The following MAP3K1 variants were observed in gnomAD, a reference collection of about 807,000 sequenced individuals.
MAP3K1 encodes mitogen-activated protein kinase kinase kinase 1, also known as MAP/ERK kinase kinase 1.
In MAP3K1, 36 loss-of-function variants were observed where a neutral mutation model predicts 144.2. That is an observed-to-expected ratio of 0.25 (90% CI 0.19 to 0.33). The LOEUF (loss-of-function observed/expected upper bound fraction) is 0.33. Among genes scored for constraint, MAP3K1 ranks in the 10% least tolerant of loss-of-function variants. The pLI, the probability that MAP3K1 is intolerant of heterozygous loss-of-function variation, is 1.00. For missense variants in MAP3K1, 1,650 were observed against 1,881.9 expected, an observed-to-expected ratio of 0.88 and a Z score of 2.28; for synonymous variants, 718 against 688.7, an observed-to-expected ratio of 1.04 and a Z score of -0.67.
At chr5:56,883,769 G>C in intron 15 of MAP3K1, 90 bp downstream of exon 15, 3 of 1,311,602 alleles carry the variant, frequency 2.3e-6, no homozygotes, top group Non-Finnish European at 3.3e-6. Flanking sequence ...GTCCACGTGT[G>C]TGTACTTTAG....
chr5:56,816,036 C>T lies in MAP3K1; in HGVS notation c.463C>T (p.Pro155Ser). 1 of 1,218,898 alleles carries T rather than the reference C, an allele frequency of 8.2e-7. No individual in the cohort carries two copies. Among genetic ancestry groups the T allele is most frequent in the Non-Finnish European group, 1.0e-6 (1 of 981,096 alleles). The allele number at this position is 1,218,898 out of a possible 1,614,324, so 75.5% of individuals were successfully genotyped here. A position where few individuals can be genotyped will look rare whatever the true frequency, so the allele number is the denominator to read the frequency against. Residue 155 changes from proline (P) to serine (S), a missense_variant, in exon 1 of 20, where the codon CCT (proline) becomes TCT (serine). Coordinates refer to ENST00000399503, the MANE Select transcript of MAP3K1 (RefSeq NM_005921.2). ...EKRAPAAEPS[P>S]AAAPAGREME... ...GCGGGCGCCCGCCGCCGAGCCGTCT[C>T]CTGCAGCGGCCCCCGCCGGGTGAGC...
At chr5:56,840,339 G>C (rs1246902568) in intron 1 of MAP3K1, among the ~76,000 whole-genome samples, 1 of 152,032 alleles carries the variant, frequency 6.6e-6, no homozygotes, top group Admixed American at 6.6e-5. Flanking sequence ...GTAGAGGCAG[G>C]GTTTCACCAT....
chr5:56,860,350 A>G (rs558296578), intron 3 of MAP3K1, among the ~76,000 whole-genome samples: 1 of 152,340 alleles, frequency 6.6e-6, no homozygotes, highest in East Asian at 1.9e-4. Context: ...GTGTGATGAA[A>G]TGGGATGCAT....
At chr5:56,864,425 TG>T (rs1187672612) in intron 3 of MAP3K1, among the ~76,000 whole-genome samples, 1 of 150,478 alleles carries the variant, frequency 6.6e-6, no homozygotes, top group Non-Finnish European at 1.5e-5. Context: ...TTGCCCAGGC[TG>T]GAGTGCAGTG....
At chr5:56,855,981 ATTGT>A (rs1257189591) in intron 1 of MAP3K1, among the ~76,000 whole-genome samples, 1 of 152,106 alleles carries the variant, frequency 6.6e-6, no homozygotes, top group Non-Finnish European at 1.5e-5. Context: ...TAGTTTAGAG[ATTGT>A]TTTATTCTGG....
rs780846580 is a variant in MAP3K1, at chr5:56,880,716, C to G, written c.2093C>G (p.Thr698Arg). 3 of 1,612,932 alleles carry G rather than the reference C, an allele frequency of 1.9e-6. No individual in the cohort carries two copies. Among genetic ancestry groups the G allele is most frequent in the East Asian group, 2.2e-5 (1 of 44,846 alleles). Reference protein sequence around the residue: ...LVKCADANSRTSQLSISTLLE... With the variant: ...LVKCADANSRRSQLSISTLLE... ...TGCTTTTCCTTTGTTTTTAGCCGCA[C>G]AAGTCAGCTGTCCATATCAACACTG... The change falls in exon 12 of 20, where the codon ACA becomes AGA. Residue 698 changes from threonine to arginine, a missense_variant. Physicochemically the swap from Thr to Arg is moderately conservative, Grantham distance 71 (BLOSUM62 -1). This residue lies in a region of MAP3K1 where 841 missense variants were observed against 886.5 expected (regional missense o/e 0.95). Transcript: ENST00000399503.
intron 7 of MAP3K1, among the ~76,000 whole-genome samples, 187 bp downstream of exon 7, chr5:56,872,218 G>A (rs1354430041): frequency 6.6e-6 from 1 of 152,200 alleles, no homozygotes; most frequent in Non-Finnish European, 1.5e-5. Context: ...GAGATGACCT[G>A]TGTGAGCAAA....
intron 1 of MAP3K1, among the ~76,000 whole-genome samples, chr5:56,850,253 C>T (rs965037579): frequency 6.6e-6 from 1 of 152,182 alleles, no homozygotes; most frequent in African/African-American, 2.4e-5. Flanking sequence ...GAAGGCTTCA[C>T]AGGTGGACCT....
chr5:56,887,683 G>A (rs1342619072), intron 18 of MAP3K1, 163 bp downstream of exon 18: 3 of 762,324 alleles, frequency 3.9e-6, no homozygotes, highest in Non-Finnish European at 6.7e-6. Flanking sequence ...CCTTATTCTC[G>A]ACCTTTCTTT....
chr5:56,835,059 C>A (rs1221421311), intron 1 of MAP3K1, among the ~76,000 whole-genome samples: 1 of 152,152 alleles, frequency 6.6e-6, no homozygotes. Context: ...CTCCGTTGAA[C>A]CTTGGATGGC....
intron 10 of MAP3K1, among the ~76,000 whole-genome samples, chr5:56,876,652 C>T (rs1428963395): frequency 1.3e-5 from 2 of 152,176 alleles, no homozygotes; most frequent in African/African-American, 4.8e-5. Flanking sequence ...CTGGTTCTCC[C>T]TTTTACTAGC....
intron 3 of MAP3K1, among the ~76,000 whole-genome samples, chr5:56,862,388 A>G (rs1747543245): frequency 6.6e-6 from 1 of 152,174 alleles, no homozygotes; most frequent in African/African-American, 2.4e-5. Flanking sequence ...AGGGAACTAC[A>G]CAAGAATGTA....
intron 1 of MAP3K1, among the ~76,000 whole-genome samples, chr5:56,825,961 G>C (rs252916): frequency 0.75 from 113,678 of 151,712 alleles, 43,143 homozygotes; most frequent in Non-Finnish European, 0.82. Context: ...TCAACTGACC[G>C]TTCTTCTTTT....
chr5:56,816,984 G>C (rs1259963918), intron 1 of MAP3K1: 5 of 756,168 alleles, frequency 6.6e-6, no homozygotes, highest in African/African-American at 3.8e-5. Flanking sequence ...TTGGCCCGGG[G>C]ACTGCGGCGC....
At chr5:56,820,416 G>T in intron 1 of MAP3K1, 1 of 984,282 alleles carries the variant, frequency 1.0e-6, no homozygotes, top group South Asian at 4.7e-5. Context: ...TGTTTTGCAG[G>T]CATTCTAATA....
chr5:56,839,316 G>A (rs1746743061), intron 1 of MAP3K1, among the ~76,000 whole-genome samples: 2 of 152,168 alleles, frequency 1.3e-5, no homozygotes, highest in African/African-American at 4.8e-5. Context: ...CTAGGCATCA[G>A]CCATCTCCAG....
intron 1 of MAP3K1, among the ~76,000 whole-genome samples, chr5:56,834,576 G>T (rs960075193): frequency 5.3e-5 from 8 of 152,170 alleles, no homozygotes; most frequent in African/African-American, 1.7e-4. Context: ...GGGCATGGTG[G>T]CAGGTGCCTG....
chr5:56,838,526 T>A (rs1746720835), intron 1 of MAP3K1, among the ~76,000 whole-genome samples: 1 of 152,214 alleles, frequency 6.6e-6, no homozygotes, highest in South Asian at 2.1e-4. Context: ...TCAGACTATA[T>A]TTAGGACAGG....
intron 1 of MAP3K1, among the ~76,000 whole-genome samples, chr5:56,821,965 A>G: frequency 1.3e-5 from 2 of 152,298 alleles, no homozygotes; most frequent in East Asian, 1.9e-4. Context: ...CTAGCTTAAG[A>G]CGAGTTTTGA....
Sources: gnomAD v4.1 joint callset for allele counts (sites outside exome capture counted in the v4.1 genomes callset) on GRCh38, gnomAD v4.1.1 for gene constraint, gnomAD v4.1.1 regional missense constraint, MANE v1.5 for transcripts, NCBI Gene and HGNC (gene_info 2026-07-23, HGNC 2026-07-21) for gene names.